Variants in FHIT observed in about 807,000 individuals in gnomAD.
The protein encoded by FHIT is bis(5'-adenosyl)-triphosphatase.
Under a neutral mutation model 17.9 loss-of-function variants are expected in FHIT, and 19 were observed. The ratio of observed to expected loss-of-function variants is 1.06; its 90% CI spans 0.74 to 1.56. FHIT has a LOEUF of 1.56. FHIT is among the 40% of genes most tolerant of loss of function. FHIT has a pLI of 0.00. For synonymous variants in FHIT, 81 were observed against 69.7 expected (o/e 1.16, Z -0.81); for missense variants, 248 against 189.2 (o/e 1.31, Z -1.82).
At chr3:60,543,264 G>A (rs1023925413) in intron 4 of FHIT, among the ~76,000 whole-genome samples, 1 of 152,120 alleles carries the variant, frequency 6.6e-6, no homozygotes, top group Non-Finnish European at 1.5e-5. Context: ...GGTTTATAGG[G>A]GGAGTTTGCC....
At chr3:60,964,091 C>T (rs949364076) in intron 3 of FHIT, among the ~76,000 whole-genome samples, 3 of 152,222 alleles carry the variant, frequency 2.0e-5, no homozygotes, top group East Asian at 3.9e-4. Context: ...TCTCTAAGGG[C>T]TTGCTTTATG....
intron 4 of FHIT, among the ~76,000 whole-genome samples, chr3:60,774,085 G>T (rs1284447253): frequency 6.6e-6 from 1 of 152,140 alleles, no homozygotes; most frequent in Non-Finnish European, 1.5e-5. Context: ...ACATCATAAT[G>T]GATAGAACAA....
At chr3:60,851,486 G>A (rs1230018328) in intron 3 of FHIT, among the ~76,000 whole-genome samples, 1 of 152,056 alleles carries the variant, frequency 6.6e-6, no homozygotes, top group East Asian at 1.9e-4. Flanking sequence ...TTTTCTAAGA[G>A]GCATATATTC....
intron 3 of FHIT, among the ~76,000 whole-genome samples, chr3:60,960,364 G>C (rs1348426014): frequency 6.6e-6 from 1 of 152,024 alleles, no homozygotes; most frequent in Non-Finnish European, 1.5e-5. Context: ...AATCACATTG[G>C]GAAAATTAAA....
At chr3:60,394,271 G>A (rs1023062726) in intron 5 of FHIT, among the ~76,000 whole-genome samples, 5 of 152,130 alleles carry the variant, frequency 3.3e-5, no homozygotes, top group African/African-American at 1.2e-4. Flanking sequence ...CTAAATTACA[G>A]TTCTTAACTT....
intron 2 of FHIT, among the ~76,000 whole-genome samples, chr3:61,175,238 T>G (rs900353671): frequency 6.6e-6 from 1 of 152,012 alleles, no homozygotes; most frequent in African/African-American, 2.4e-5. Context: ...TTAACAGTAG[T>G]TCAAGTAATT....
At chr3:60,178,363 G>A (rs964070085) in intron 5 of FHIT, among the ~76,000 whole-genome samples, 5 of 152,132 alleles carry the variant, frequency 3.3e-5, no homozygotes, top group Non-Finnish European at 5.9e-5. Context: ...GAGGCGGGCG[G>A]ATCACCTCAG....
At chr3:60,205,546 T>G (rs1322393105) in intron 5 of FHIT, among the ~76,000 whole-genome samples, 3 of 151,596 alleles carry the variant, frequency 2.0e-5, no homozygotes, top group Non-Finnish European at 4.4e-5. Context: ...AGCAAAGGAG[T>G]TGGGGAGTTC....
intron 5 of FHIT, among the ~76,000 whole-genome samples, chr3:60,124,009 T>TGG (rs1705404946): frequency 8.2e-5 from 1 of 12,154 alleles, no homozygotes; most frequent in Admixed American, 1.3e-3. Context: ...TATATATATA[T>TGG]AGAGAGAGAG....
intron 5 of FHIT, among the ~76,000 whole-genome samples, chr3:60,329,357 C>T (rs1407194733): frequency 6.6e-6 from 1 of 152,206 alleles, no homozygotes; most frequent in East Asian, 1.9e-4. Flanking sequence ...CCGTGTTCCT[C>T]ACTAGAGACC....
intron 5 of FHIT, among the ~76,000 whole-genome samples, chr3:60,213,687 T>C (rs920223938): frequency 1.3e-5 from 2 of 152,192 alleles, no homozygotes; most frequent in African/African-American, 4.8e-5. Context: ...GCCCCATAAT[T>C]AAACAGATGG....
chr3:60,305,423 G>A (rs2072909972), intron 5 of FHIT, among the ~76,000 whole-genome samples: 1 of 151,870 alleles, frequency 6.6e-6, no homozygotes, highest in East Asian at 1.9e-4. Flanking sequence ...CTCAATAACA[G>A]CATTTTAAAT....
At chr3:60,543,916 T>TTTTTTTTTTC (rs2036272909) in intron 4 of FHIT, among the ~76,000 whole-genome samples, 1 of 132,038 alleles carries the variant, frequency 7.6e-6, no homozygotes, top group East Asian at 2.3e-4. Context: ...GCTTTTTTTT[T>TTTTTTTTTTC]TTTTTTTTTT....
At chr3:61,046,859 A>G (rs2033813533) in intron 2 of FHIT, among the ~76,000 whole-genome samples, 1 of 152,210 alleles carries the variant, frequency 6.6e-6, no homozygotes, top group South Asian at 2.1e-4. Context: ...AAAAAACGTA[A>G]TCCATCATAT....
intron 8 of FHIT, among the ~76,000 whole-genome samples, chr3:59,914,485 A>G (rs1424499534): frequency 1.3e-5 from 2 of 152,168 alleles, no homozygotes; most frequent in Admixed American, 6.5e-5. Flanking sequence ...CTCCAAGCTA[A>G]GAGGTTACGG....
intron 8 of FHIT, among the ~76,000 whole-genome samples, chr3:59,890,506 T>A (rs1315854943): frequency 6.6e-6 from 1 of 152,166 alleles, no homozygotes; most frequent in Non-Finnish European, 1.5e-5. Flanking sequence ...TCATTTCCTG[T>A]TGGGGAAGTT....
chr3:60,528,523 G>A (rs1197025461), intron 5 of FHIT, among the ~76,000 whole-genome samples: 1 of 152,138 alleles, frequency 6.6e-6, no homozygotes, highest in African/African-American at 2.4e-5. Flanking sequence ...AGGAGGCTAA[G>A]TTCAGTGTGA....
At chr3:60,227,618 T>C (rs1471572592) in intron 5 of FHIT, among the ~76,000 whole-genome samples, 1 of 152,210 alleles carries the variant, frequency 6.6e-6, no homozygotes, top group Non-Finnish European at 1.5e-5. Context: ...ATTTAATCTA[T>C]ACCACATTTA....
chr3:60,705,413 A>G (rs781856842), intron 4 of FHIT, among the ~76,000 whole-genome samples: 1 of 152,210 alleles, frequency 6.6e-6, no homozygotes, highest in East Asian at 1.9e-4. Flanking sequence ...TGTCACCCCA[A>G]GTTGCAAAAA....
Sources: gnomAD v4.1 joint callset for allele counts (sites outside exome capture counted in the v4.1 genomes callset) on GRCh38, gnomAD v4.1.1 for gene constraint, MANE v1.5 for transcripts, NCBI Gene and HGNC (gene_info 2026-07-23, HGNC 2026-07-21) for gene names.